FABP7: variants seen among roughly 807,000 people sequenced by gnomAD.
The protein encoded by FABP7 is fatty acid binding protein 7.
A neutral mutation model predicts 14.2 loss-of-function variants in FABP7; 13 were observed. The observed-to-expected ratio is 0.91, with a 90% CI of 0.59 to 1.45. The LOEUF (loss-of-function observed/expected upper bound fraction) is 1.45. Among genes scored for constraint, FABP7 ranks in the 40% most tolerant of loss-of-function variants. The pLI, the probability that FABP7 is intolerant of heterozygous loss-of-function variation, is 0.00. For synonymous variants in FABP7, 49 were observed against 51.4 expected (o/e 0.95, Z 0.20); for missense variants, 149 against 157.6 (o/e 0.95, Z 0.29).
upstream of FABP7, chr6:122,779,533 AC>A: frequency 2.0e-6 from 1 of 510,516 alleles, no homozygotes; most frequent in Non-Finnish European, 3.5e-6. Flanking sequence ...TACTCCGCTA[AC>A]CCAGTGGCCT....
chr6:122,783,373 T>G, intron 3 of FABP7: 1 of 984,772 alleles, frequency 1.0e-6, no homozygotes. Flanking sequence ...GTAAACCTAT[T>G]ATAAAACTCA....
the FABP7 span, among the ~76,000 whole-genome samples, chr6:122,765,942 C>A: frequency 6.6e-6 from 1 of 151,998 alleles, no homozygotes; most frequent in Non-Finnish European, 1.5e-5. Context: ...GCTCTGCCCA[C>A]AGATTTCATG....
the FABP7 span, among the ~76,000 whole-genome samples, chr6:122,765,180 G>A: frequency 2.6e-5 from 4 of 152,068 alleles, no homozygotes; most frequent in African/African-American, 9.6e-5. Context: ...AAAGACTATG[G>A]GCAATCATAC....
At chr6:122,754,017 C>T in the FABP7 span, among the ~76,000 whole-genome samples, 1 of 152,116 alleles carries the variant, frequency 6.6e-6, no homozygotes, top group African/African-American at 2.4e-5. Context: ...CCTTTTATTA[C>T]TTAGGCATGG....
chr6:122,781,711 T>A (rs1479566406), intron 3 of FABP7: 3 of 899,456 alleles, frequency 3.3e-6, no homozygotes, highest in South Asian at 5.3e-5. Flanking sequence ...AAAATTAAAA[T>A]CCCCTCTGAT....
At chr6:122,759,416 TC>T in the FABP7 span, among the ~76,000 whole-genome samples, 1 of 152,198 alleles carries the variant, frequency 6.6e-6, no homozygotes, top group African/African-American at 2.4e-5. Context: ...TTTTCTTCCT[TC>T]TTCTTTTCTT....
At chr6:122,763,218 C>G in the FABP7 span, among the ~76,000 whole-genome samples, 6 of 152,050 alleles carry the variant, frequency 3.9e-5, no homozygotes, top group African/African-American at 7.2e-5. Flanking sequence ...AGAACAGAGC[C>G]CTCAGAAGTA....
upstream of FABP7, chr6:122,779,512 GGAACTC>G (rs1180543225): frequency 1.6e-5 from 7 of 450,978 alleles, no homozygotes; most frequent in Non-Finnish European, 2.8e-5. Context: ...AGGATTGGGA[GGAACTC>G]GACCTACTCC....
chr6:122,783,266 T>G (rs1274455719), intron 3 of FABP7: 6 of 985,378 alleles, frequency 6.1e-6, no homozygotes, highest in Non-Finnish European at 7.2e-6. Context: ...TTCCTCTTGA[T>G]TTTGGAACAA....
chr6:122,758,715 A>G, the FABP7 span, among the ~76,000 whole-genome samples: 4 of 152,334 alleles, frequency 2.6e-5, no homozygotes, highest in African/African-American at 9.6e-5. Context: ...TACAATTAGG[A>G]AGACAATATA....
the FABP7 span, among the ~76,000 whole-genome samples, chr6:122,767,836 T>G: frequency 6.6e-6 from 1 of 150,532 alleles, no homozygotes; most frequent in East Asian, 1.9e-4. Context: ...GGACCTTGGG[T>G]AGGTGGTTTC....
chr6:122,781,113 A>G lies in FABP7; in HGVS notation c.267A>G (p.Gly89=), dbSNP rs753340345. The change falls in exon 3 of 4, where the codon GGA becomes GGG. Residue 89 remains glycine (G), a synonymous_variant. Transcript: ENST00000368444. ...CTCAGTCTGTTGTTAGCCTGGATGGAGACAAACTTGTTCACATACAGAAAT... is the reference window on the plus strand; with the variant it reads ...CTCAGTCTGTTGTTAGCCTGGATGGGGACAAACTTGTTCACATACAGAAAT... ...RNCKSVVSLD[G]DKLVHIQKWD... 6.2e-7 allele frequency: 1 copy of G among 1,613,626 alleles called. No individual in the cohort carries two copies. Among genetic ancestry groups the G allele is most frequent in the African/African-American group, 1.3e-5 (1 of 74,930 alleles).
the FABP7 span, among the ~76,000 whole-genome samples, chr6:122,765,168 G>A: frequency 0.96 from 146,479 of 152,078 alleles, 70,763 homozygotes; most frequent in East Asian, 1. Context: ...TTCTGCAATG[G>A]AAAAGACTAT....
the FABP7 span, among the ~76,000 whole-genome samples, chr6:122,754,526 A>G: frequency 1.3e-5 from 2 of 152,024 alleles, no homozygotes; most frequent in African/African-American, 4.8e-5. Flanking sequence ...TCAAGATCTC[A>G]ACTTTTGTCA....
At chr6:122,777,357 C>G (rs1414221476), upstream of FABP7, among the ~76,000 whole-genome samples, 1 of 152,014 alleles carries the variant, frequency 6.6e-6, no homozygotes, top group Non-Finnish European at 1.5e-5. Context: ...CTAAGCACCC[C>G]CACATACTGA....
chr6:122,762,914 CATGCTCATGGGTAGGAAG>C, the FABP7 span, among the ~76,000 whole-genome samples: 1 of 152,122 alleles, frequency 6.6e-6, no homozygotes, highest in East Asian at 1.9e-4. Flanking sequence ...AAGAACATTC[CATGCTCATGGGTAGGAAG>C]ATGCTATATA....
the FABP7 span, among the ~76,000 whole-genome samples, chr6:122,765,857 G>A: frequency 1.3e-5 from 2 of 151,360 alleles, no homozygotes; most frequent in Non-Finnish European, 2.9e-5. Flanking sequence ...TTTTTGCTTT[G>A]ATCATTTTCT....
chr6:122,769,895 A>T, the FABP7 span, among the ~76,000 whole-genome samples: 4 of 152,156 alleles, frequency 2.6e-5, no homozygotes, highest in African/African-American at 9.7e-5. Flanking sequence ...ATTTTATTTT[A>T]ATTTTATGCT....
At position 122,780,563 on chromosome 6, in the gene FABP7, T is replaced by C. The variant is rs186794807; in HGVS notation, c.246+100T>C. The C allele has an allele frequency of 3.9e-4, 483 of 1,245,594 alleles. No individual in the cohort carries two copies. In the African/African-American group the frequency reaches 6.2e-3, roughly 16 times the overall value. 77.2% of individuals were successfully genotyped at this position (1,245,594 alleles called of 1,614,324 possible). Reference sequence around the variant, plus strand: ...TTTTAAGATGTTGGAAAGTGTAGAATATTTTCAGTATTTCAATCCAAGGAG... The same window carrying C: ...TTTTAAGATGTTGGAAAGTGTAGAACATTTTCAGTATTTCAATCCAAGGAG... On this transcript the variant is annotated intron_variant, in intron 2 of 3. Coordinates refer to ENST00000368444, the MANE Select transcript of FABP7 (RefSeq NM_001446.5).
Sources: gnomAD v4.1 joint callset for allele counts (sites outside exome capture counted in the v4.1 genomes callset) on GRCh38, gnomAD v4.1.1 for gene constraint, MANE v1.5 for transcripts, NCBI Gene and HGNC (gene_info 2026-07-23, HGNC 2026-07-21) for gene names.